CCDC88C: variants seen among roughly 807,000 people sequenced by gnomAD.
The protein encoded by CCDC88C is protein Daple.
Under a neutral mutation model 198.8 loss-of-function variants are expected in CCDC88C, and 131 were observed. That is an observed-to-expected ratio of 0.66 (90% confidence interval 0.57 to 0.76). CCDC88C has a LOEUF of 0.76. Among genes scored for constraint, CCDC88C ranks in the 30% least tolerant of loss-of-function variants. The pLI is 0.00. For missense variants in CCDC88C, 2,553 were observed against 2,631.6 expected (o/e 0.97, Z 0.65); for synonymous variants, 1,166 against 1,114.7 (o/e 1.05, Z -0.92).
chr14:91,396,784 C>A (rs1885868847), intron 3 of CCDC88C, among the ~76,000 whole-genome samples: 1 of 152,120 alleles, frequency 6.6e-6, no homozygotes, highest in Admixed American at 6.6e-5. Flanking sequence ...GAAACAACTT[C>A]AGGAGTTCGA....
In CCDC88C at chr14:91,273,550, C is replaced by T; in HGVS notation, c.5162G>A (p.Gly1721Glu). The T allele has an allele frequency of 4.6e-6, 7 of 1,509,234 alleles. No individual in the cohort carries two copies. The highest frequency in any genetic ancestry group is 6.2e-6 in the Non-Finnish European group (7 of 1,127,344). 93.5% of individuals were successfully genotyped at this position (1,509,234 alleles called of 1,614,324 possible). A position where few individuals can be genotyped will look rare whatever the true frequency, so the allele number is the denominator to read the frequency against. ...CACAAAGTTGGTGGGCATCTTGGCC[C>T]CTTCTTTCTTGGCAGGTGGTCCTGG... ...GQPGPPAKKE[G>E]AKMPTNFVAP... The change falls in exon 30 of 30, where the codon GGG (glycine) becomes GAG (glutamate). Residue 1721 changes from glycine (G) to glutamate (E), a missense_variant. Physicochemically the swap from Gly to Glu is moderately conservative, Grantham distance 98. This residue lies in a region of CCDC88C where 1,293 missense variants were observed against 1,219.6 expected (regional missense o/e 1.06). Coordinates refer to ENST00000389857, the MANE Select transcript of CCDC88C (RefSeq NM_001080414.4). This position sits in a 1 kb window ranked among gnomAD's most constrained non-coding sequence, Gnocchi z 5.6.
intron 23 of CCDC88C, among the ~76,000 whole-genome samples, chr14:91,293,454 C>T (rs796783770): frequency 0.12 from 121 of 1,022 alleles, 7 homozygotes; most frequent in South Asian, 0.24. Flanking sequence ...CTGCCACGGT[C>T]CACCTTCCCA....
chr14:91,324,078 G>A (rs1224311711), intron 12 of CCDC88C, among the ~76,000 whole-genome samples: 3 of 152,252 alleles, frequency 2.0e-5, no homozygotes, highest in Non-Finnish European at 4.4e-5. Flanking sequence ...ACGATCACGT[G>A]CACGGGAACG....
At chr14:91,386,952 A>G (rs1485824043) in intron 3 of CCDC88C, among the ~76,000 whole-genome samples, 1 of 152,206 alleles carries the variant, frequency 6.6e-6, no homozygotes, top group African/African-American at 2.4e-5. Flanking sequence ...GTAATTGTTA[A>G]TATTTGTGTA....
chr14:91,384,179 G>C (rs549868714), intron 3 of CCDC88C, among the ~76,000 whole-genome samples: 54 of 152,176 alleles, frequency 3.5e-4, no homozygotes, highest in African/African-American at 1.3e-3. Flanking sequence ...GCTCACATCT[G>C]TAATCCTAGC....
intron 25 of CCDC88C, 46 bp downstream of exon 25, chr14:91,289,059 G>T: frequency 6.6e-7 from 1 of 1,520,974 alleles, no homozygotes; most frequent in Non-Finnish European, 9.0e-7. Context: ...GACCCTTCAG[G>T]ACACCCCCTT....
At chr14:91,319,830 A>G (rs1421458364) in intron 13 of CCDC88C, among the ~76,000 whole-genome samples, 2 of 152,128 alleles carry the variant, frequency 1.3e-5, no homozygotes, top group Non-Finnish European at 2.9e-5. Context: ...GTTTGAGACC[A>G]GCCTGGCCAA....
Position 91,284,848 on chromosome 14 carries a change from T to C in CCDC88C, c.4442-1331A>G, listed in dbSNP as rs533891219. Among the ~76,000 whole-genome samples the C allele has an allele frequency of 1.9e-4, 29 of 152,332 alleles. No homozygotes were observed. Among genetic ancestry groups the C allele is most frequent in the African/African-American group, 6.7e-4 (28 of 41,574 alleles). On this transcript the variant is annotated intron_variant, in intron 25 of 29. Transcript: ENST00000389857. The surrounding 1 kb of genome is among the most constrained non-coding windows in gnomAD (Gnocchi z 4.1). Reference sequence around the variant, plus strand: ...GAAAACATGCAGGTAATCATATTTTTGTAGGTAATCATAGACGGTATCAGG... The same window carrying C: ...GAAAACATGCAGGTAATCATATTTTCGTAGGTAATCATAGACGGTATCAGG...
At chr14:91,307,875 G>T (rs549255237) in intron 17 of CCDC88C, among the ~76,000 whole-genome samples, 2 of 152,380 alleles carry the variant, frequency 1.3e-5, no homozygotes, top group Non-Finnish European at 2.9e-5. Context: ...CATATGTGGA[G>T]AGTGTGTATG....
intron 3 of CCDC88C, among the ~76,000 whole-genome samples, chr14:91,377,927 C>T (rs773550320): frequency 3.9e-5 from 6 of 152,170 alleles, no homozygotes; most frequent in Non-Finnish European, 8.8e-5. Flanking sequence ...GAGCACACGA[C>T]GCTGCTCCAT....
chr14:91,352,226 CTG>C lies in CCDC88C; in HGVS notation c.340+7414_340+7415del, dbSNP rs1893845888. ...TGGCTGTTGCAGCCAGCGGCGTTCTCTGTGTGCCTGGGCCATCGCTAGGAAGT... is the reference window on the plus strand; with the variant it reads ...TGGCTGTTGCAGCCAGCGGCGTTCTCTGTGCCTGGGCCATCGCTAGGAAGT... On this transcript the variant is annotated intron_variant, in intron 4 of 29. Coordinates refer to ENST00000389857, the MANE Select transcript of CCDC88C (RefSeq NM_001080414.4). This position sits in a 1 kb window ranked among gnomAD's most constrained non-coding sequence, Gnocchi z 4.2. 6.6e-6 allele frequency among the ~76,000 whole-genome samples: 1 copy of C among 152,260 alleles called. No individual in the cohort carries two copies. Among genetic ancestry groups the C allele is most frequent in the South Asian group, 2.1e-4 (1 of 4,834 alleles).
chr14:91,273,764 T>C lies in CCDC88C; in HGVS notation c.5059-111A>G. On this transcript the variant is annotated intron_variant, in intron 29 of 29. Transcript: ENST00000389857. The surrounding 1 kb of genome is among the most constrained non-coding windows in gnomAD (Gnocchi z 5.6). ...CAGCCCACGTGGCTGGGACCGCAGT[T>C]CCTGCCTGCCTTCTCCGAGGCACAT... is the stretch of plus-strand genomic sequence containing the variant. 1.1e-6 allele frequency: 1 copy of C among 902,386 alleles called. No individual in the cohort carries two copies. Among genetic ancestry groups the C allele is most frequent in the Non-Finnish European group, 1.5e-6 (1 of 654,400 alleles). The allele number at this position is 902,386 out of a possible 1,614,324, so 55.9% of individuals were successfully genotyped here.
chr14:91,346,921 A>G (rs1188359236), intron 4 of CCDC88C, among the ~76,000 whole-genome samples: 2 of 152,166 alleles, frequency 1.3e-5, no homozygotes, highest in Non-Finnish European at 2.9e-5. Context: ...AGAAAAGGGA[A>G]TGCCCACATG....
chr14:91,394,689 C>G (rs1885730678), intron 3 of CCDC88C, among the ~76,000 whole-genome samples: 1 of 152,190 alleles, frequency 6.6e-6, no homozygotes, highest in South Asian at 2.1e-4. Context: ...TTAAGGAATT[C>G]TATTGCTGGT....
intron 3 of CCDC88C, among the ~76,000 whole-genome samples, chr14:91,404,964 C>CAAAAA (rs57911960): frequency 9.7e-6 from 1 of 103,392 alleles, no homozygotes; most frequent in Non-Finnish European, 2.0e-5. Context: ...GACTCCATCT[C>CAAAAA]AAAAAAAAAA....
chr14:91,297,567 T>C (rs1891065070), intron 21 of CCDC88C, 76 bp from the exon 22 acceptor site: 11 of 1,453,912 alleles, frequency 7.6e-6, no homozygotes, highest in East Asian at 2.5e-5. Flanking sequence ...ACCTGGGCTA[T>C]GTCCCAGCTC....
At chr14:91,415,658 T>G (rs1280397551) in intron 2 of CCDC88C, among the ~76,000 whole-genome samples, 3 of 151,420 alleles carry the variant, frequency 2.0e-5, no homozygotes, top group African/African-American at 7.3e-5. Flanking sequence ...AGGCGGAGGT[T>G]GTGGTGAGCT....
At position 91,410,445 on chromosome 14, in the gene CCDC88C, G is replaced by GA. The variant is rs1026523413; in HGVS notation, c.162-1679dup. Reference sequence around the variant, plus strand: ...AATAATTAGTAGAAAATTGACAAAGGAAAAAAAAACCCTACAAATCGAAAA... The same window carrying GA: ...AATAATTAGTAGAAAATTGACAAAGGAAAAAAAAAACCCTACAAATCGAAAA... On this transcript the variant is annotated intron_variant, in intron 2 of 29. Transcript: ENST00000389857. Among the ~76,000 whole-genome samples, 8 of 150,354 alleles carry GA rather than the reference G, an allele frequency of 5.3e-5. No individual in the cohort carries two copies. The East Asian group carries it at 5.8e-4, about 11-fold the overall frequency.
In CCDC88C at chr14:91,336,761, C is replaced by G. The variant is rs1285779; in HGVS notation, c.1050+1244G>C. On this transcript the variant is annotated intron_variant, in intron 10 of 29. Coordinates refer to ENST00000389857, the MANE Select transcript of CCDC88C (RefSeq NM_001080414.4). ...ACACTCCCTGAGTGGGTCTGAGGAACAGACAGGTCCTCGCCACAGCCTCAC... is the reference window on the plus strand; with the variant it reads ...ACACTCCCTGAGTGGGTCTGAGGAAGAGACAGGTCCTCGCCACAGCCTCAC... Among the ~76,000 whole-genome samples the G allele has an allele frequency of 8.9e-3, 1,353 of 152,336 alleles. 24 individuals are homozygous for G. Among genetic ancestry groups the G allele is most frequent in the East Asian group, 0.022 (113 of 5,182 alleles).
Sources: allele counts gnomAD v4.1 joint callset (sites outside exome capture counted in the v4.1 genomes callset), GRCh38; gene constraint gnomAD v4.1.1; regional missense constraint gnomAD v4.1.1; non-coding constraint Gnocchi (gnomAD v3.1); transcripts MANE v1.5; gene names NCBI Gene and HGNC (gene_info 2026-07-23, HGNC 2026-07-21).